The following FAIM2 variants were observed in gnomAD, a reference collection of about 807,000 sequenced individuals.
FAIM2 encodes protein lifeguard 2.
Under a neutral mutation model 47.4 loss-of-function variants are expected in FAIM2, and 27 were observed. The ratio of observed to expected loss-of-function variants is 0.57; its 90% CI spans 0.42 to 0.78. The LOEUF (loss-of-function observed/expected upper bound fraction) is 0.78. FAIM2 is among the 30% of genes least tolerant of loss of function. The pLI is 0.00. For missense variants in FAIM2, 311 were observed against 389.4 expected, an observed-to-expected ratio of 0.80 and a Z score of 1.69; for synonymous variants, 156 against 159.3, an observed-to-expected ratio of 0.98 and a Z score of 0.16.
At chr12:49,875,409 A>G (rs2137080001) in intron 11 of FAIM2, among the ~76,000 whole-genome samples, 1 of 152,206 alleles carries the variant, frequency 6.6e-6, no homozygotes, top group African/African-American at 2.4e-5. Flanking sequence ...AGGTGCGCCG[A>G]CTGGGCTGCA....
chr12:49,875,979 A>G (rs836965), intron 11 of FAIM2, among the ~76,000 whole-genome samples: 22,658 of 152,222 alleles, frequency 0.15, 1,934 homozygotes, highest in African/African-American at 0.24. Context: ...CCATCTCAAA[A>G]AAAAGGAACC....
rs141673909 is a variant in FAIM2, at chr12:49,882,673, G to A, written c.801+4713C>T. On this transcript the variant is annotated intron_variant, in intron 11 of 11. Coordinates refer to ENST00000320634, the MANE Select transcript of FAIM2 (RefSeq NM_012306.4). ...GTGACTCACAGAAGACTGATGGGCAGTGCTGAATTCAACCACATAGCCTGT... is the reference window on the plus strand; with the variant it reads ...GTGACTCACAGAAGACTGATGGGCAATGCTGAATTCAACCACATAGCCTGT... 1.0e-3 allele frequency among the ~76,000 whole-genome samples: 156 copies of A among 152,336 alleles called. 1 individual carries two copies. The highest frequency in any genetic ancestry group is 3.5e-3 in the African/African-American group (147 of 41,564).
chr12:49,875,524 G>A (rs1315081171), intron 11 of FAIM2, among the ~76,000 whole-genome samples: 2 of 152,160 alleles, frequency 1.3e-5, no homozygotes, highest in African/African-American at 2.4e-5. Flanking sequence ...CACTGACCTG[G>A]ATGTCAAAAA....
At chr12:49,893,579 A>G (rs1490613218) in intron 5 of FAIM2, among the ~76,000 whole-genome samples, 1 of 152,196 alleles carries the variant, frequency 6.6e-6, no homozygotes, top group East Asian at 1.9e-4. Flanking sequence ...GCAAAACAAA[A>G]CAAAACAAAA....
At chr12:49,890,877 A>T (rs540287216) in intron 6 of FAIM2, among the ~76,000 whole-genome samples, 155 bp from the exon 7 acceptor site, 1 of 152,112 alleles carries the variant, frequency 6.6e-6, no homozygotes, top group Non-Finnish European at 1.5e-5. Context: ...TCCCTTCTCC[A>T]TTCCCCTTCT....
intron 11 of FAIM2, among the ~76,000 whole-genome samples, chr12:49,880,228 G>T (rs1946802954): frequency 6.6e-6 from 1 of 151,202 alleles, no homozygotes; most frequent in Non-Finnish European, 1.5e-5. Flanking sequence ...ATATGTGCAT[G>T]CATGTGTGTA....
chr12:49,887,459 G>A lies in FAIM2; in HGVS notation c.748-20C>T, dbSNP rs746012289. The stretch of plus-strand genomic sequence containing the variant: ...GGGCACCTGCGGCAGAGGAAAAATG[G>A]GCTTAGGGACGACAAGAAGGGGCAG... On this transcript the variant is annotated intron_variant, in intron 10 of 11. Coordinates refer to ENST00000320634, the MANE Select transcript of FAIM2 (RefSeq NM_012306.4). 6.2e-7 allele frequency: 1 copy of A among 1,607,736 alleles called. No individual in the cohort carries two copies. Among genetic ancestry groups the A allele is most frequent in the South Asian group, 1.1e-5 (1 of 89,924 alleles).
intron 11 of FAIM2, among the ~76,000 whole-genome samples, chr12:49,886,498 C>T (rs539424628): frequency 1.3e-5 from 2 of 152,182 alleles, no homozygotes; most frequent in South Asian, 2.1e-4. Context: ...ATTTTTGAGA[C>T]GGAGTCTCAC....
At chr12:49,889,256 C>T (rs1946882886) in intron 9 of FAIM2, 54 bp from the exon 10 acceptor site, 1 of 1,393,908 alleles carries the variant, frequency 7.2e-7, no homozygotes, top group East Asian at 2.4e-5. Context: ...TCCTGGGGCC[C>T]CAACTACAGG....
Position 49,866,944 on chromosome 12 carries a change from C to T in FAIM2, c.*3560G>A, listed in dbSNP as rs1946666870. ...TTTTATCTCCAGTCAGTCACAGACCCCAGGAAGGTGAGGTCAGGGAAGGGA... is the reference window on the plus strand; with the variant it reads ...TTTTATCTCCAGTCAGTCACAGACCTCAGGAAGGTGAGGTCAGGGAAGGGA... On this transcript the variant is annotated 3_prime_UTR_variant, in exon 12 of 12. Transcript: ENST00000320634. The T allele has an allele frequency of 1.3e-5, 2 of 152,360 alleles. No homozygotes were observed. The highest frequency in any genetic ancestry group is 3.9e-4 in the East Asian group (2 of 5,156). 9.4% of individuals were successfully genotyped at this position (152,360 alleles called of 1,614,324 possible).
In FAIM2 at chr12:49,878,412, G is replaced by A. The variant is rs1282676168; in HGVS notation, c.802-7759C>T. 4.0e-4 allele frequency among the ~76,000 whole-genome samples: 38 copies of A among 93,966 alleles called. 4 individuals carry two copies. Among genetic ancestry groups the A allele is most frequent in the African/African-American group, 1.8e-3 (35 of 18,922 alleles). 61.6% of individuals were successfully genotyped at this position (93,966 alleles called of 152,430 possible). On this transcript the variant is annotated intron_variant, in intron 11 of 11. Transcript: ENST00000320634. Reference sequence around the variant, plus strand: ...TATGTGTGTGTCTGTGTGCATGTGAGTGTATGTGTGTGTATATGTGCAAGT... The same window carrying A: ...TATGTGTGTGTCTGTGTGCATGTGAATGTATGTGTGTGTATATGTGCAAGT...
chr12:49,896,940 G>A, intron 5 of FAIM2, 91 bp downstream of exon 5: 5 of 1,046,390 alleles, frequency 4.8e-6, no homozygotes, highest in Non-Finnish European at 7.5e-6. Context: ...GGAAGCTACG[G>A]GCTCAGATTA....
In FAIM2 at chr12:49,887,388, A is replaced by G. The variant is rs1250640069; in HGVS notation, c.799T>C (p.Leu267=). Residue 267 remains leucine, a splice_region_variant and synonymous_variant, in exon 11 of 12, where the codon TTG becomes CTG. Coordinates refer to ENST00000320634, the MANE Select transcript of FAIM2 (RefSeq NM_012306.4). Reference sequence around the variant, plus strand: ...CCAAGGAGCTAGACCACACTCACCAATGTAAATACACCCGCTCCCAGTGCT... The same window carrying G: ...CCAAGGAGCTAGACCACACTCACCAGTGTAAATACACCCGCTCCCAGTGCT... ...YAALGAGVFT[L]FLALDTQLLM... is the part of the protein sequence containing the mutation. 2 of 1,610,522 alleles carry G rather than the reference A, an allele frequency of 1.2e-6. No individual in the cohort carries two copies. Among genetic ancestry groups the G allele is most frequent in the African/African-American group, 1.3e-5 (1 of 74,932 alleles).
intron 5 of FAIM2, among the ~76,000 whole-genome samples, chr12:49,895,324 C>T (rs1454429605): frequency 6.6e-6 from 1 of 151,996 alleles, no homozygotes; most frequent in East Asian, 1.9e-4. Flanking sequence ...CCCTCCCAAT[C>T]CCCCCATCCC....
rs77933163 is a variant in FAIM2 at position 49,867,938 on chromosome 12, C to G, written c.*2566G>C. The G allele has an allele frequency of 6.6e-6, 1 of 152,598 alleles. No homozygotes were observed. The highest frequency in any genetic ancestry group is 6.5e-5 in the Admixed American group (1 of 15,270). 9.5% of individuals were successfully genotyped at this position (152,598 alleles called of 1,614,324 possible). Reference sequence around the variant, plus strand: ...GTAGGAGGCTGCGGCATCTTCTGCCCGGCTTCCCCAGCTCTGCAAAGAAGC... The same window carrying G: ...GTAGGAGGCTGCGGCATCTTCTGCCGGGCTTCCCCAGCTCTGCAAAGAAGC... On this transcript the variant is annotated 3_prime_UTR_variant, in exon 12 of 12. Coordinates refer to ENST00000320634, the MANE Select transcript of FAIM2 (RefSeq NM_012306.4).
Position 49,898,078 on chromosome 12 carries a change from C to G in FAIM2, c.224G>C (p.Ser75Thr), listed in dbSNP as rs1471047925. The change falls in exon 3 of 12, where the codon AGC (serine) becomes ACC (threonine). Residue 75 changes from serine to threonine, a missense_variant. Ser to Thr is a moderately conservative substitution (Grantham distance 58). Transcript: ENST00000320634. ...TCCGGTGGGGAAACCGTTGTCATAG[C>G]TGGAGCTGCTGCCTGTGTGGCACGT... The part of the protein sequence containing the change: ...WAYVDPSSSS[S>T]YDNGFPTGDH... 2 of 1,613,926 alleles carry G rather than the reference C, an allele frequency of 1.2e-6. No individual in the cohort carries two copies. Among genetic ancestry groups the G allele is most frequent in the East Asian group, 4.5e-5 (2 of 44,886 alleles).
chr12:49,884,872 A>G (rs146971436), intron 11 of FAIM2, among the ~76,000 whole-genome samples: 1,550 of 152,240 alleles, frequency 0.01, 26 homozygotes, highest in African/African-American at 0.035. Flanking sequence ...TCCTTGGGAG[A>G]CTGAGGCAGG....
chr12:49,893,379 C>A (rs906718898), intron 5 of FAIM2, among the ~76,000 whole-genome samples: 1 of 152,168 alleles, frequency 6.6e-6, no homozygotes. Flanking sequence ...TAGAGGGGGG[C>A]ATCTTCTGTG....
intron 3 of FAIM2, 102 bp downstream of exon 3, chr12:49,897,885 G>A (rs1946950337): frequency 1.1e-6 from 1 of 875,918 alleles, no homozygotes; most frequent in East Asian, 2.5e-5. Context: ...ACAAGAGAAG[G>A]GGGCAGGGAT....
Sources: gnomAD v4.1 joint callset for allele counts (sites outside exome capture counted in the v4.1 genomes callset) on GRCh38, gnomAD v4.1.1 for gene constraint, MANE v1.5 for transcripts, NCBI Gene and HGNC (gene_info 2026-07-23, HGNC 2026-07-21) for gene names.